Variants in LRRTM3 observed in about 807,000 individuals in gnomAD.
LRRTM3 encodes the protein leucine rich repeat transmembrane neuronal 3.
Under a neutral mutation model 44.7 loss-of-function variants are expected in LRRTM3, and 24 were observed. The observed-to-expected ratio is 0.54, with a 90% confidence interval of 0.39 to 0.76. LRRTM3 has a LOEUF of 0.76. Ranked by LOEUF, LRRTM3 falls within the 30% of genes least tolerant of loss-of-function variation. The probability of loss-of-function intolerance (pLI) is 0.00; values close to 1 mark genes in which losing one functional copy is unlikely to be tolerated. For synonymous variants in LRRTM3, 277 were observed against 278.7 expected (o/e 0.99, Z 0.06); for missense variants, 587 against 702.2 (o/e 0.84, Z 1.85).
intron 2 of LRRTM3, among the ~76,000 whole-genome samples, chr10:66,999,932 G>C (rs1461936078): frequency 1.8e-4 from 27 of 152,158 alleles, no homozygotes; most frequent in Non-Finnish European, 4.0e-4. Flanking sequence ...GTTGGCTTTA[G>C]ATCAGTGACT....
chr10:67,007,530 T>C (rs1852069256), intron 2 of LRRTM3, among the ~76,000 whole-genome samples: 1 of 151,970 alleles, frequency 6.6e-6, no homozygotes, highest in African/African-American at 2.4e-5. Flanking sequence ...CCACTGAAAC[T>C]TTAATTAGGT....
At chr10:66,981,354 C>T (rs61866217) in intron 2 of LRRTM3, among the ~76,000 whole-genome samples, 21,171 of 152,214 alleles carry the variant, frequency 0.14, 1,814 homozygotes, top group Middle Eastern at 0.22. Flanking sequence ...TGCTTTAAAA[C>T]TTCATCAGCT....
intron 2 of LRRTM3, among the ~76,000 whole-genome samples, chr10:66,996,694 T>C (rs1228084634): frequency 6.9e-6 from 1 of 144,930 alleles, no homozygotes; most frequent in Non-Finnish European, 1.5e-5. Context: ...CAATCACTTA[T>C]GTGTTTATTT....
intron 2 of LRRTM3, among the ~76,000 whole-genome samples, chr10:66,998,152 C>T (rs1851462937): frequency 6.6e-6 from 1 of 152,180 alleles, no homozygotes; most frequent in Non-Finnish European, 1.5e-5. Flanking sequence ...AAATTCCTAA[C>T]ACGGCATTTT....
intron 2 of LRRTM3, among the ~76,000 whole-genome samples, chr10:66,932,782 C>A (rs1847480459): frequency 6.6e-6 from 1 of 152,126 alleles, no homozygotes; most frequent in African/African-American, 2.4e-5. Flanking sequence ...ATTCTTTTAG[C>A]CTCCAAAAGT....
intron 2 of LRRTM3, among the ~76,000 whole-genome samples, chr10:67,032,492 C>A (rs10997487): frequency 0.35 from 53,678 of 151,890 alleles, 11,207 homozygotes; most frequent in East Asian, 0.51. Context: ...TTGTGGAGGT[C>A]CTGCTATAGT....
At chr10:66,971,427 A>T (rs1222450266) in intron 2 of LRRTM3, among the ~76,000 whole-genome samples, 1 of 3,824 alleles carries the variant, frequency 2.6e-4, no homozygotes, top group Non-Finnish European at 0.022. Context: ...ACTCCGTCTC[A>T]AAAAAAAAAA....
At position 66,962,544 on chromosome 10, in the gene LRRTM3, G is replaced by A. The variant is rs140145233; in HGVS notation, c.1536+34092G>A. Reference sequence around the variant, plus strand: ...CCTGCCTCAGCCTACTGAGTAGCTGGGATTACAGGCACGTGCCACCACACC... The same window carrying A: ...CCTGCCTCAGCCTACTGAGTAGCTGAGATTACAGGCACGTGCCACCACACC... On this transcript the variant is annotated intron_variant, in intron 2 of 2. Transcript: ENST00000361320. 8.4e-3 allele frequency among the ~76,000 whole-genome samples: 1,277 copies of A among 151,824 alleles called. 21 individuals are homozygous for A. Among genetic ancestry groups the A allele is most frequent in the African/African-American group, 0.029 (1,208 of 41,412 alleles).
intron 2 of LRRTM3, among the ~76,000 whole-genome samples, chr10:67,010,689 T>A (rs761141932): frequency 6.6e-6 from 1 of 152,188 alleles, no homozygotes; most frequent in Non-Finnish European, 1.5e-5. Flanking sequence ...TGCTTTTGTA[T>A]AGCCATGCAA....
intron 2 of LRRTM3, chr10:67,054,966 C>G (rs747420588): frequency 6.6e-6 from 1 of 151,944 alleles, no homozygotes; most frequent in East Asian, 1.9e-4. Flanking sequence ...TTAGTTTATA[C>G]AATAACTTTC....
intron 2 of LRRTM3, among the ~76,000 whole-genome samples, chr10:66,930,326 T>C (rs1469423743): frequency 6.6e-6 from 1 of 152,210 alleles, no homozygotes; most frequent in Non-Finnish European, 1.5e-5. Flanking sequence ...AGTCACATAT[T>C]TCCAATGGAT....
intron 2 of LRRTM3, among the ~76,000 whole-genome samples, chr10:66,988,220 A>G (rs1850844191): frequency 6.6e-6 from 1 of 152,182 alleles, no homozygotes; most frequent in Non-Finnish European, 1.5e-5. Flanking sequence ...TGATTTAAAA[A>G]TGATCCCCAA....
chr10:66,982,272 T>C (rs16923867), intron 2 of LRRTM3, among the ~76,000 whole-genome samples: 10,722 of 152,180 alleles, frequency 0.07, 430 homozygotes, highest in African/African-American at 0.1. Context: ...CAGAGGCCAA[T>C]TGGAATAATC....
intron 2 of LRRTM3, among the ~76,000 whole-genome samples, chr10:67,052,313 ACTCTCT>A (rs3841706): frequency 0.32 from 38,857 of 120,518 alleles, 5,646 homozygotes; most frequent in East Asian, 0.41. Context: ...CCCACTCATC[ACTCTCT>A]CTCTCTCTCT....
intron 2 of LRRTM3, among the ~76,000 whole-genome samples, chr10:66,946,810 T>G (rs1427557710): frequency 6.6e-6 from 1 of 152,124 alleles, no homozygotes; most frequent in Non-Finnish European, 1.5e-5. Flanking sequence ...CTTATTCAAA[T>G]GATGGATCTA....
At chr10:67,089,717 A>ATGTGTGTGTGTGTGTG (rs71006125) in intron 2 of LRRTM3, among the ~76,000 whole-genome samples, 12 of 144,742 alleles carry the variant, frequency 8.3e-5, no homozygotes, top group East Asian at 4.1e-4. Flanking sequence ...GTATATACAT[A>ATGTGTGTGTGTGTGTG]TGTGTGTGTG....
intron 2 of LRRTM3, among the ~76,000 whole-genome samples, chr10:67,029,995 G>A (rs1853621501): frequency 6.6e-6 from 1 of 152,176 alleles, no homozygotes; most frequent in African/African-American, 2.4e-5. Context: ...AATGCATTAA[G>A]ATATTTGTGC....
intron 2 of LRRTM3, among the ~76,000 whole-genome samples, chr10:67,011,603 T>C (rs1852343470): frequency 1.3e-5 from 2 of 152,162 alleles, no homozygotes; most frequent in Admixed American, 1.3e-4. Context: ...ATTTTTTCCC[T>C]AAAATTTTTA....
At chr10:66,941,601 A>G (rs531540061) in intron 2 of LRRTM3, among the ~76,000 whole-genome samples, 66 of 152,306 alleles carry the variant, frequency 4.3e-4, no homozygotes, top group Middle Eastern at 6.8e-3. Flanking sequence ...CATAAAAGCT[A>G]TTTGTCAAAT....
Sources: gnomAD v4.1 joint callset for allele counts (sites outside exome capture counted in the v4.1 genomes callset) on GRCh38, gnomAD v4.1.1 for gene constraint, MANE v1.5 for transcripts, NCBI Gene and HGNC (gene_info 2026-07-23, HGNC 2026-07-21) for gene names.